Variants in GNAZ observed in about 807,000 individuals in gnomAD.
The protein encoded by GNAZ is guanine nucleotide-binding protein G(z) subunit alpha.
Under a neutral mutation model 25.4 loss-of-function variants are expected in GNAZ, and 3 were observed. The ratio of observed to expected loss-of-function variants is 0.12; its 90% CI spans 0.05 to 0.30. The LOEUF is 0.30. Among genes scored for constraint, GNAZ ranks in the 10% least tolerant of loss-of-function variants. The pLI, the probability that GNAZ is intolerant of heterozygous loss-of-function variation, is 1.00. For synonymous variants in GNAZ, 211 were observed against 205.7 expected (o/e 1.03, Z -0.22); for missense variants, 241 against 501.8 (o/e 0.48, Z 4.97).
intron 1 of GNAZ, among the ~76,000 whole-genome samples, chr22:23,090,899 G>A (rs980284909): frequency 3.3e-5 from 5 of 152,188 alleles, no homozygotes; most frequent in Admixed American, 6.5e-5. Flanking sequence ...TCATTCAGCA[G>A]CCCCAGCCCA....
intron 2 of GNAZ, 31 bp downstream of exon 2, chr22:23,096,449 G>C: frequency 1.3e-6 from 2 of 1,570,732 alleles, no homozygotes; most frequent in South Asian, 1.2e-5. Context: ...TCCTCTGCTT[G>C]TTCCTGCTGT....
At chr22:23,074,692 C>G (rs1274353590) in intron 1 of GNAZ, among the ~76,000 whole-genome samples, 3 of 152,120 alleles carry the variant, frequency 2.0e-5, no homozygotes, top group Admixed American at 2.0e-4. Flanking sequence ...TGAGAAGCAT[C>G]GAGAAAGAGA....
chr22:23,101,305 G>GCC (rs202037984), intron 2 of GNAZ, among the ~76,000 whole-genome samples: 1 of 152,142 alleles, frequency 6.6e-6, no homozygotes, highest in Non-Finnish European at 1.5e-5. Flanking sequence ...AATTCCAGTG[G>GCC]CCCCCCTCTT....
chr22:23,102,382 G>C (rs969707169), intron 2 of GNAZ, among the ~76,000 whole-genome samples: 8 of 152,222 alleles, frequency 5.3e-5, no homozygotes, highest in Admixed American at 1.3e-4. Flanking sequence ...TCAGTCCTTG[G>C]GTTAGCTCCT....
intron 2 of GNAZ, among the ~76,000 whole-genome samples, chr22:23,100,882 G>A (rs1399403469): frequency 4.6e-5 from 7 of 152,224 alleles, no homozygotes; most frequent in Non-Finnish European, 1.0e-4. Flanking sequence ...GGCTGCCCAA[G>A]GCCGTCCTGT....
At chr22:23,103,823 C>G (rs1176994120) in intron 2 of GNAZ, among the ~76,000 whole-genome samples, 1 of 152,196 alleles carries the variant, frequency 6.6e-6, no homozygotes, top group Non-Finnish European at 1.5e-5. Flanking sequence ...CTGGGGATGG[C>G]ATCAAGCAGG....
intron 2 of GNAZ, among the ~76,000 whole-genome samples, chr22:23,115,113 G>A (rs188458503): frequency 4.3e-4 from 66 of 152,306 alleles, no homozygotes; most frequent in African/African-American, 1.5e-3. Context: ...AACTGCATGG[G>A]GTCCTGTGGA....
chr22:23,094,839 C>T (rs1031326085), intron 1 of GNAZ, among the ~76,000 whole-genome samples: 7 of 152,158 alleles, frequency 4.6e-5, no homozygotes, highest in South Asian at 2.1e-4. Flanking sequence ...AGGGCTGGGC[C>T]GAGGCCTGGC....
chr22:23,078,473 C>G (rs1478895471), intron 1 of GNAZ, among the ~76,000 whole-genome samples: 2 of 149,096 alleles, frequency 1.3e-5, no homozygotes. Context: ...AGTCTCCTGG[C>G]CACACTGACA....
chr22:23,109,392 AGCT>A (rs1313899974), intron 2 of GNAZ, among the ~76,000 whole-genome samples: 1 of 152,170 alleles, frequency 6.6e-6, no homozygotes, highest in Non-Finnish European at 1.5e-5. Context: ...TTAAGGGATC[AGCT>A]GCTGCTCCTC....
intron 1 of GNAZ, among the ~76,000 whole-genome samples, chr22:23,088,348 T>G (rs1373518737): frequency 1.3e-5 from 2 of 152,012 alleles, no homozygotes; most frequent in African/African-American, 4.8e-5. Context: ...CATCCTTGTG[T>G]GAGGAAGGGC....
At chr22:23,073,401 G>A (rs1044498933) in intron 1 of GNAZ, among the ~76,000 whole-genome samples, 2 of 152,226 alleles carry the variant, frequency 1.3e-5, no homozygotes, top group African/African-American at 2.4e-5. Context: ...GAAGAGGGAC[G>A]TGGGAGCACC....
At chr22:23,111,653 A>G (rs1440606698) in intron 2 of GNAZ, among the ~76,000 whole-genome samples, 1 of 152,252 alleles carries the variant, frequency 6.6e-6, no homozygotes, top group East Asian at 1.9e-4. Flanking sequence ...CCAGAGCAGA[A>G]GTGACATGCC....
At chr22:23,108,357 T>C (rs2069545918) in intron 2 of GNAZ, among the ~76,000 whole-genome samples, 1 of 152,138 alleles carries the variant, frequency 6.6e-6, no homozygotes, top group South Asian at 2.1e-4. Context: ...AGGGTTGGGG[T>C]TGTGACTAGG....
At chr22:23,089,336 T>C (rs1017324623) in intron 1 of GNAZ, among the ~76,000 whole-genome samples, 6 of 152,126 alleles carry the variant, frequency 3.9e-5, no homozygotes, top group Non-Finnish European at 7.4e-5. Flanking sequence ...GAGCAAAGCT[T>C]TGGGGACAGC....
At chr22:23,082,058 G>C (rs2068695449) in intron 1 of GNAZ, among the ~76,000 whole-genome samples, 1 of 149,670 alleles carries the variant, frequency 6.7e-6, no homozygotes, top group Non-Finnish European at 1.5e-5. Context: ...CCAGGACGCG[G>C]AGCTTGCAGT....
intron 2 of GNAZ, among the ~76,000 whole-genome samples, chr22:23,119,157 T>C (rs1050535384): frequency 6.6e-5 from 10 of 152,198 alleles, no homozygotes; most frequent in African/African-American, 2.4e-4. Context: ...GGATGCCGCT[T>C]TGCCCACCTG....
chr22:23,080,546 G>A (rs1475959475), intron 1 of GNAZ, among the ~76,000 whole-genome samples: 3 of 152,248 alleles, frequency 2.0e-5, no homozygotes, highest in African/African-American at 7.2e-5. Context: ...GGCAAAGAAA[G>A]GAGGACCTGT....
chr22:23,115,662 G>A (rs1227448161), intron 2 of GNAZ, among the ~76,000 whole-genome samples: 2 of 152,220 alleles, frequency 1.3e-5, no homozygotes, highest in African/African-American at 2.4e-5. Flanking sequence ...GCGTGAAGCA[G>A]GCATGAGGCC....
Sources: allele counts gnomAD v4.1 joint callset (sites outside exome capture counted in the v4.1 genomes callset), GRCh38; gene constraint gnomAD v4.1.1; transcripts MANE v1.5; gene names NCBI Gene and HGNC (gene_info 2026-07-23, HGNC 2026-07-21).